MASP1: variants seen among roughly 807,000 people sequenced by gnomAD.
MASP1 encodes the protein MBL associated serine protease 1, also known as mannan-binding lectin serine protease 1.
In MASP1, 59 loss-of-function variants were observed where a neutral mutation model predicts 77.1. The ratio of observed to expected loss-of-function variants is 0.77; its 90% CI spans 0.62 to 0.95. MASP1 has a LOEUF of 0.95. Ranked by LOEUF, MASP1 falls within the 40% of genes least tolerant of loss-of-function variation. MASP1 has a pLI of 0.00. For missense variants in MASP1, 885 were observed against 912.9 expected (o/e 0.97, Z 0.39); for synonymous variants, 362 against 354.5 (o/e 1.02, Z -0.24).
chr3:187,234,775 G>T lies in MASP1; in HGVS notation c.*909C>A. 1 of 1,287,226 alleles carries T rather than the reference G, an allele frequency of 7.8e-7. No homozygotes were observed. Among genetic ancestry groups the T allele is most frequent in the Non-Finnish European group, 1.0e-6 (1 of 988,700 alleles). The allele number at this position is 1,287,226 out of a possible 1,614,324, so 79.7% of individuals were successfully genotyped here. A position where few individuals can be genotyped will look rare whatever the true frequency, so the allele number is the denominator to read the frequency against. On this transcript the variant is annotated 3_prime_UTR_variant, in exon 11 of 11. Coordinates refer to ENST00000296280, the MANE Select transcript of MASP1 (RefSeq NM_139125.4). ...ACAGTGTGGGTCTTTTCTTTTTCCA[G>T]GTAATCGACTAAGTCCCCATATTCG...
At chr3:187,289,295 C>T (rs917484741) in intron 1 of MASP1, among the ~76,000 whole-genome samples, 1 of 152,120 alleles carries the variant, frequency 6.6e-6, no homozygotes, top group African/African-American at 2.4e-5. Flanking sequence ...TTGTTTCAAC[C>T]CACTCCACAC....
chr3:187,220,182 C>T (rs1248826715), exon 16 of MASP1: 4 of 1,614,064 alleles, frequency 2.5e-6, no homozygotes, highest in African/African-American at 2.7e-5. Flanking sequence ...ACACAGTGCC[C>T]ACCAGGTACC....
At chr3:187,270,709 C>T (rs1226720674) in intron 2 of MASP1, among the ~76,000 whole-genome samples, 2 of 152,230 alleles carry the variant, frequency 1.3e-5, no homozygotes, top group Admixed American at 6.5e-5. Flanking sequence ...ATGTGGAATA[C>T]TGCCCTGAGG....
chr3:187,248,667 C>T (rs1714305545), intron 8 of MASP1, among the ~76,000 whole-genome samples: 1 of 152,116 alleles, frequency 6.6e-6, no homozygotes, highest in Non-Finnish European at 1.5e-5. Context: ...TGGCCACCAC[C>T]ACTTGAGTTC....
chr3:187,288,716 T>A (rs1718057651), intron 1 of MASP1, among the ~76,000 whole-genome samples: 1 of 152,142 alleles, frequency 6.6e-6, no homozygotes, highest in South Asian at 2.1e-4. Context: ...GGCCGAAAGG[T>A]CAACTTCCTC....
rs144885213 is a variant in MASP1, at chr3:187,234,963, C to G, written c.*721G>C. ...TGAGTTGACAATGGGAATTTAAGGG[C>G]TTGGTGGGCCTCCCACGGCTATTCT... On this transcript the variant is annotated 3_prime_UTR_variant, in exon 11 of 11. Coordinates refer to ENST00000296280, the MANE Select transcript of MASP1 (RefSeq NM_139125.4). 1.9e-4 allele frequency: 239 copies of G among 1,287,232 alleles called. 1 individual carries two copies. In the East Asian group the frequency reaches 9.9e-3, roughly 53 times the overall value. 79.7% of individuals were successfully genotyped at this position (1,287,232 alleles called of 1,614,324 possible).
At chr3:187,262,342 A>G (rs1355511911) in intron 3 of MASP1, among the ~76,000 whole-genome samples, 2 of 152,230 alleles carry the variant, frequency 1.3e-5, no homozygotes, top group Non-Finnish European at 2.9e-5. Flanking sequence ...ACGTTAAAAC[A>G]CTTTGTAAAA....
intron 2 of MASP1, among the ~76,000 whole-genome samples, chr3:187,281,849 C>A (rs541268404): frequency 5.9e-5 from 9 of 152,300 alleles, no homozygotes; most frequent in African/African-American, 2.2e-4. Context: ...CTGGGGGCCA[C>A]ATGGCATATT....
chr3:187,257,019 G>A (rs758248770), intron 4 of MASP1, among the ~76,000 whole-genome samples, 159 bp from the exon 5 acceptor site: 10 of 152,190 alleles, frequency 6.6e-5, no homozygotes, highest in Admixed American at 3.3e-4. Context: ...GCTCAAGGTC[G>A]CATGTCTAGT....
intron 3 of MASP1, among the ~76,000 whole-genome samples, chr3:187,261,487 G>A (rs918126341): frequency 6.6e-6 from 1 of 152,182 alleles, no homozygotes; most frequent in African/African-American, 2.4e-5. Context: ...AACATTGCTA[G>A]TCATTAAGGG....
exon 15 of MASP1, chr3:187,221,086 G>A: frequency 6.2e-7 from 1 of 1,614,092 alleles, no homozygotes; most frequent in Non-Finnish European, 8.5e-7. Context: ...TTCTTCAGCG[G>A]GGCATAAGCC....
At chr3:187,243,274 T>G (rs1208434610) in intron 9 of MASP1, 2 of 605,220 alleles carry the variant, frequency 3.3e-6, no homozygotes, top group Non-Finnish European at 5.9e-6. Flanking sequence ...CTTTTTGGTT[T>G]TGAGACTGTT....
intron 2 of MASP1, among the ~76,000 whole-genome samples, chr3:187,280,215 T>C (rs1717300187): frequency 6.6e-6 from 1 of 152,116 alleles, no homozygotes. Context: ...GGAATAAGAA[T>C]TGGAACTAAG....
At chr3:187,277,434 C>A (rs532941203) in intron 2 of MASP1, among the ~76,000 whole-genome samples, 133 of 152,264 alleles carry the variant, frequency 8.7e-4, no homozygotes, top group Admixed American at 2.1e-3. Context: ...TTTTAAAAAA[C>A]ATTTTTTTCT....
At chr3:187,229,946 C>T (rs1214587231), downstream of MASP1, 6 of 1,608,212 alleles carry the variant, frequency 3.7e-6, no homozygotes, top group Non-Finnish European at 5.1e-6. Flanking sequence ...TGGGCTCCAT[C>T]TTGCCCACTG....
At position 187,291,637 on chromosome 3, in the gene MASP1, C is replaced by T. The variant is rs1481133373; in HGVS notation, c.-5G>A. ...CTCCCCTGGCACGTACCTCATTTTC[C>T]TGCCTTGGGTGCTCCCGGCTGCCCG... On this transcript the variant is annotated 5_prime_UTR_variant, in exon 1 of 11. Transcript: ENST00000296280. 3.7e-6 allele frequency: 6 copies of T among 1,614,132 alleles called. No homozygotes were observed. The highest frequency in any genetic ancestry group is 5.1e-6 in the Non-Finnish European group (6 of 1,180,038).
chr3:187,222,101 C>T (rs1712094150), intron 14 of MASP1, among the ~76,000 whole-genome samples: 1 of 152,176 alleles, frequency 6.6e-6, no homozygotes, highest in Admixed American at 6.5e-5. Flanking sequence ...CAGGGTGGTC[C>T]TGAGGACAGA....
At chr3:187,255,139 G>T (rs1471943934) in intron 5 of MASP1, among the ~76,000 whole-genome samples, 1 of 152,190 alleles carries the variant, frequency 6.6e-6, no homozygotes, top group East Asian at 1.9e-4. Context: ...TTATCTGGGT[G>T]GGCCTAACCC....
At position 187,282,640 on chromosome 3, in the gene MASP1, G is replaced by T. The variant is rs979288899; in HGVS notation, c.237+3185C>A. Among the ~76,000 whole-genome samples, 6 of 152,268 alleles carry T rather than the reference G, an allele frequency of 3.9e-5. No homozygotes were observed. The East Asian group carries it at 1.2e-3, about 29-fold the overall frequency. ...CTCAGCTCTAGGAGGGCAACTCACT[G>T]GGTGTGTGTAGGCAGGGGCACAGGG... On this transcript the variant is annotated intron_variant, in intron 2 of 10. Transcript: ENST00000296280.
Sources: gnomAD v4.1 joint callset for allele counts (sites outside exome capture counted in the v4.1 genomes callset) on GRCh38, gnomAD v4.1.1 for gene constraint, MANE v1.5 for transcripts, NCBI Gene and HGNC (gene_info 2026-07-23, HGNC 2026-07-21) for gene names.